The following ATP11B variants were observed in gnomAD, a reference collection of about 807,000 sequenced individuals.
ATP11B encodes the protein phospholipid-transporting ATPase IF.
ATP11B carries 81 observed loss-of-function variants against 157.8 expected under a neutral mutation model. That is an observed-to-expected ratio of 0.51 (90% confidence interval 0.43 to 0.62). The LOEUF (loss-of-function observed/expected upper bound fraction) is 0.62. Ranked by LOEUF, ATP11B falls within the 20% of genes least tolerant of loss-of-function variation. The probability of loss-of-function intolerance (pLI) is 0.00; values close to 1 mark genes in which losing one functional copy is unlikely to be tolerated. For synonymous variants in ATP11B, 451 were observed against 469.4 expected (o/e 0.96, Z 0.51); for missense variants, 1,165 against 1,402.2 (o/e 0.83, Z 2.70).
intron 13 of ATP11B, 53 bp downstream of exon 13, chr3:182,865,751 C>A: frequency 6.9e-7 from 1 of 1,456,238 alleles, no homozygotes; most frequent in Non-Finnish European, 9.3e-7. Context: ...TAATTCTCTT[C>A]AGTAGTTGAT....
In ATP11B at chr3:182,914,002, ATCTC is replaced by A. The variant is rs1387422560; in HGVS notation, c.3452+12_3452+15del. 6.2e-7 allele frequency: 1 copy of A among 1,613,800 alleles called. No homozygotes were observed. The highest frequency in any genetic ancestry group is 2.2e-5 in the East Asian group (1 of 44,860). On this transcript the variant is annotated intron_variant, in intron 29 of 29. Transcript: ENST00000323116. ...TCCAACCCACATCAGCAGGTGTGAA[ATCTC>A]TCTAAGTAGCCTTTGCTGCAGATGA...
rs761841594 is a variant in ATP11B at position 182,867,365 on chromosome 3, T to C, written c.1620-11T>C. On this transcript the variant is annotated splice_polypyrimidine_tract_variant and intron_variant, in intron 14 of 29. Coordinates refer to ENST00000323116, the MANE Select transcript of ATP11B (RefSeq NM_014616.3). ...TCTTAAGTCTCACTTTTTTATCCTT[T>C]TGATGTCTAGGATTGGTATTGTGTT... 4 of 1,568,596 alleles carry C rather than the reference T, an allele frequency of 2.6e-6. No homozygotes were observed. The highest frequency in any genetic ancestry group is 2.2e-5 in the South Asian group (2 of 89,876).
At chr3:182,798,713 G>A (rs1431422668) in intron 1 of ATP11B, among the ~76,000 whole-genome samples, 2 of 152,202 alleles carry the variant, frequency 1.3e-5, no homozygotes, top group African/African-American at 4.8e-5. Flanking sequence ...TATGGCTGTC[G>A]AAATGTAGGC....
intron 1 of ATP11B, among the ~76,000 whole-genome samples, chr3:182,804,269 A>G (rs927528611): frequency 3.3e-5 from 5 of 151,124 alleles, no homozygotes; most frequent in African/African-American, 1.2e-4. Context: ...CTTTTGAGAC[A>G]GAGTCTCCCT....
intron 4 of ATP11B, chr3:182,830,022 C>G: frequency 5.5e-6 from 4 of 729,404 alleles, no homozygotes; most frequent in African/African-American, 1.9e-5. Context: ...ATGTATAAAC[C>G]ATTTATATAT....
intron 2 of ATP11B, among the ~76,000 whole-genome samples, chr3:182,823,983 G>A (rs61249501): frequency 0.023 from 3,441 of 152,096 alleles, 128 homozygotes; most frequent in African/African-American, 0.08. Context: ...GTCTTTTGCA[G>A]CAGGTCCCCC....
chr3:182,872,264 A>T, intron 17 of ATP11B, 92 bp from the exon 18 acceptor site: 1 of 837,452 alleles, frequency 1.2e-6, no homozygotes, highest in Non-Finnish European at 1.9e-6. Context: ...TTTTGGTACT[A>T]GGTCTTCAGT....
At chr3:182,894,836 C>G (rs926218722) in intron 25 of ATP11B, among the ~76,000 whole-genome samples, 4 of 151,776 alleles carry the variant, frequency 2.6e-5, no homozygotes, top group African/African-American at 7.3e-5. Context: ...GTATCTCTCC[C>G]AGCTGGGCAC....
At position 182,885,984 on chromosome 3, in the gene ATP11B, C is replaced by G. The variant is rs771657766; in HGVS notation, c.2689C>G (p.Gln897Glu). 1.3e-6 allele frequency: 2 copies of G among 1,500,306 alleles called. No homozygotes were observed. Among genetic ancestry groups the G allele is most frequent in the South Asian group, 1.4e-5 (1 of 70,278 alleles). The allele number at this position is 1,500,306 out of a possible 1,614,324, so 92.9% of individuals were successfully genotyped here. A position where few individuals can be genotyped will look rare whatever the true frequency, so the allele number is the denominator to read the frequency against. Reference protein sequence around the residue: ...VCFITPQFLYQFYCLFSQQTL... With the variant: ...VCFITPQFLYEFYCLFSQQTL... ...CTTTATCACACCCCAGTTTTTATAT[C>G]AGTTCTACTGTTTGTTTTCTCAGCA... The change falls in exon 23 of 30, where the codon CAG becomes GAG. Residue 897 changes from glutamine (Q) to glutamate (E), a missense_variant. Coordinates refer to ENST00000323116, the MANE Select transcript of ATP11B (RefSeq NM_014616.3).
chr3:182,908,239 T>C (rs1724523555), intron 28 of ATP11B, among the ~76,000 whole-genome samples: 3 of 137,520 alleles, frequency 2.2e-5, no homozygotes. Context: ...ACATAGGGTC[T>C]CACTCTGCTG....
rs1720664156 is a variant in ATP11B, at chr3:182,859,419, G to C, written c.1200+60G>C. On this transcript the variant is annotated intron_variant, in intron 12 of 29. Coordinates refer to ENST00000323116, the MANE Select transcript of ATP11B (RefSeq NM_014616.3). ...TGTTATTTTTATCAAAGCAATACAT[G>C]GACAAAGATTAATGTAACAAGGTAT... 2.9e-6 allele frequency: 4 copies of C among 1,382,682 alleles called. No individual in the cohort carries two copies. In the South Asian group the frequency reaches 6.0e-5, roughly 21 times the overall value. 85.7% of individuals were successfully genotyped at this position (1,382,682 alleles called of 1,614,324 possible). A position where few individuals can be genotyped will look rare whatever the true frequency, so the allele number is the denominator to read the frequency against.
intron 28 of ATP11B, among the ~76,000 whole-genome samples, chr3:182,910,191 TGAA>T (rs1258757784): frequency 9.9e-5 from 15 of 152,180 alleles, no homozygotes; most frequent in African/African-American, 2.4e-5. Context: ...AAAAGTGATC[TGAA>T]GAAGTCATTT....
intron 27 of ATP11B, among the ~76,000 whole-genome samples, chr3:182,898,335 G>A (rs182767498): frequency 1.2e-3 from 185 of 152,132 alleles, no homozygotes; most frequent in Admixed American, 2.5e-3. Flanking sequence ...CCTTAAGTCT[G>A]TATTACTACA....
At chr3:182,848,589 A>G in intron 10 of ATP11B, 32 bp downstream of exon 10, 2 of 1,230,042 alleles carry the variant, frequency 1.6e-6, no homozygotes, top group Non-Finnish European at 2.2e-6. Context: ...ATTTATATGT[A>G]ATTATAACTC....
At chr3:182,869,658 AT>A (rs1292167608) in intron 17 of ATP11B, among the ~76,000 whole-genome samples, 2 of 152,250 alleles carry the variant, frequency 1.3e-5, no homozygotes, top group Admixed American at 1.3e-4. Flanking sequence ...TGCTGGTAAG[AT>A]TATAAATGGT....
intron 1 of ATP11B, among the ~76,000 whole-genome samples, chr3:182,800,929 A>G (rs966449717): frequency 1.7e-5 from 2 of 120,902 alleles, no homozygotes; most frequent in Admixed American, 1.1e-4. Context: ...CCTCCTGAGT[A>G]GCTGGGATTA....
rs986482499 is a variant in ATP11B at position 182,915,846 on chromosome 3, C to A, written c.3452+1852C>A. 1.3e-5 allele frequency: 13 copies of A among 971,840 alleles called. No homozygotes were observed. The South Asian group carries it at 5.7e-4, about 43-fold the overall frequency. 60.2% of individuals were successfully genotyped at this position (971,840 alleles called of 1,614,324 possible). A position where few individuals can be genotyped will look rare whatever the true frequency, so the allele number is the denominator to read the frequency against. Reference sequence around the variant, plus strand: ...CTATACTTCTTTTCACTTAAAATTGCGCCATATTGTTTTTTTCTGAATTTT... The same window carrying A: ...CTATACTTCTTTTCACTTAAAATTGAGCCATATTGTTTTTTTCTGAATTTT... On this transcript the variant is annotated intron_variant, in intron 29 of 29. Coordinates refer to ENST00000323116, the MANE Select transcript of ATP11B (RefSeq NM_014616.3).
At position 182,896,587 on chromosome 3, in the gene ATP11B, A is replaced by G. The variant is rs181790188; in HGVS notation, c.2983-113A>G. ...TTATGAGTATAGTCACCAGTTTCAA[A>G]TGTACCTGACTTAAATAATTCAAGG... On this transcript the variant is annotated intron_variant, in intron 25 of 29. Transcript: ENST00000323116. The G allele has an allele frequency of 1.4e-3, 1,169 of 847,118 alleles. 12 individuals are homozygous for G. In the African/African-American group the frequency reaches 0.017, roughly 13 times the overall value. The allele number at this position is 847,118 out of a possible 1,614,324, so 52.5% of individuals were successfully genotyped here.
Position 182,896,759 on chromosome 3 carries a change from A to G in ATP11B, c.3042A>G (p.Thr1014=), listed in dbSNP as rs573110771. The part of the protein sequence containing the change: ...LVFTVMVITV[T]VKMALETHFW... ...TCACAGTCATGGTTATTACAGTCAC[A>G]GTAAAGGTATGGTACTGAAATTAGA... Residue 1014 remains threonine (T), a synonymous_variant, in exon 26 of 30, where the codon ACA becomes ACG. Transcript: ENST00000323116. 4.3e-6 allele frequency: 7 copies of G among 1,612,556 alleles called. No individual in the cohort carries two copies. In the African/African-American group the frequency reaches 9.3e-5, roughly 22 times the overall value.
Sources: allele counts gnomAD v4.1 joint callset (sites outside exome capture counted in the v4.1 genomes callset), GRCh38; gene constraint gnomAD v4.1.1; transcripts MANE v1.5; gene names NCBI Gene and HGNC (gene_info 2026-07-23, HGNC 2026-07-21).